The following COL12A1 variants were observed in gnomAD, a reference collection of about 807,000 sequenced individuals.
COL12A1 encodes collagen alpha-1(XII) chain.
In COL12A1, 114 loss-of-function variants were observed where a neutral mutation model predicts 349.7. That is an observed-to-expected ratio of 0.33 (90% CI 0.28 to 0.38). The LOEUF is 0.38. COL12A1 is among the 10% of genes least tolerant of loss of function. The pLI, the probability that COL12A1 is intolerant of heterozygous loss-of-function variation, is 1.00. For synonymous variants in COL12A1, 1,369 were observed against 1,329.0 expected (o/e 1.03, Z -0.66); for missense variants, 3,284 against 3,756.9 (o/e 0.87, Z 3.29).
At chr6:75,163,135 CA>C (rs1192173334) in intron 14 of COL12A1, among the ~76,000 whole-genome samples, 1 of 152,108 alleles carries the variant, frequency 6.6e-6, no homozygotes, top group Non-Finnish European at 1.5e-5. Flanking sequence ...CTAGAAATAC[CA>C]GTTGACCCAG....
intron 1 of COL12A1, among the ~76,000 whole-genome samples, chr6:75,203,134 T>C (rs533302524): frequency 6.6e-6 from 1 of 152,340 alleles, no homozygotes; most frequent in East Asian, 1.9e-4. Context: ...GCCTGGGTAA[T>C]GGCTAATTCA....
rs529282114 is a variant in COL12A1 at position 75,169,821 on chromosome 6, G to A, written c.2711-4042C>T. Among the ~76,000 whole-genome samples, 18 of 152,190 alleles carry A rather than the reference G, an allele frequency of 1.2e-4. No homozygotes were observed. In the South Asian group the frequency reaches 3.7e-3, roughly 32 times the overall value. On this transcript the variant is annotated intron_variant, in intron 13 of 65. Coordinates refer to ENST00000322507, the MANE Select transcript of COL12A1 (RefSeq NM_004370.6). ...CTTTATTCTTCCTAGTATAGTACCAGTATAGGTATAAATGTCATAAGTTTA... is the reference window on the plus strand; with the variant it reads ...CTTTATTCTTCCTAGTATAGTACCAATATAGGTATAAATGTCATAAGTTTA...
intron 57 of COL12A1, 38 bp from the exon 58 acceptor site, chr6:75,101,691 A>C (rs374687927): frequency 6.3e-7 from 1 of 1,593,464 alleles, no homozygotes; most frequent in Non-Finnish European, 8.5e-7. Flanking sequence ...ACATTATAAT[A>C]TACTTCCTGT....
At chr6:75,120,029 T>G (rs1769276923) in intron 44 of COL12A1, among the ~76,000 whole-genome samples, 1 of 152,202 alleles carries the variant, frequency 6.6e-6, no homozygotes, top group African/African-American at 2.4e-5. Flanking sequence ...TATGTGACAA[T>G]GGATTTTTTT....
At chr6:75,134,301 G>A (rs986264412) in intron 32 of COL12A1, among the ~76,000 whole-genome samples, 29 of 152,124 alleles carry the variant, frequency 1.9e-4, no homozygotes, top group Admixed American at 5.9e-4. Context: ...CAGGCACGGT[G>A]GATCATGCCT....
At chr6:75,177,338 G>C (rs1769014481) in intron 12 of COL12A1, among the ~76,000 whole-genome samples, 1 of 151,992 alleles carries the variant, frequency 6.6e-6, no homozygotes, top group Non-Finnish European at 1.5e-5. Flanking sequence ...TTGGGAGGCT[G>C]AATCAGGAGA....
intron 23 of COL12A1, among the ~76,000 whole-genome samples, chr6:75,147,203 G>A (rs374545737): frequency 6.3e-4 from 96 of 152,238 alleles, no homozygotes; most frequent in Non-Finnish European, 9.4e-4. Context: ...AAGTGAAATC[G>A]GTATCTCTGT....
rs559031205 is a variant in COL12A1, at chr6:75,118,366, T to A, written c.7354+677A>T. ...AATCATGCATGTACAGATGACAAGT[T>A]CCATGTAATTACTTTATAATTTACT... On this transcript the variant is annotated intron_variant, in intron 46 of 65. Coordinates refer to ENST00000322507, the MANE Select transcript of COL12A1 (RefSeq NM_004370.6). Among the ~76,000 whole-genome samples the A allele has an allele frequency of 2.0e-5, 3 of 152,300 alleles. No homozygotes were observed. The South Asian group carries it at 6.2e-4, about 32-fold the overall frequency.
intron 8 of COL12A1, among the ~76,000 whole-genome samples, chr6:75,184,828 C>T (rs1016996624): frequency 3.3e-5 from 5 of 152,042 alleles, no homozygotes; most frequent in East Asian, 1.9e-4. Context: ...TGACAGTTAA[C>T]GTAAAGTATT....
chr6:75,106,555 A>C, intron 52 of COL12A1, 59 bp from the exon 53 acceptor site: 3 of 1,484,108 alleles, frequency 2.0e-6, no homozygotes, highest in East Asian at 4.6e-5. Context: ...TTATATTGGC[A>C]CTTCCACATT....
chr6:75,174,931 G>A lies in COL12A1; in HGVS notation c.2710+107C>T, dbSNP rs1301562027. 6.5e-6 allele frequency: 8 copies of A among 1,239,846 alleles called. No individual in the cohort carries two copies. The African/African-American group carries it at 9.1e-5, about 14-fold the overall frequency. The allele number at this position is 1,239,846 out of a possible 1,614,324, so 76.8% of individuals were successfully genotyped here. On this transcript the variant is annotated intron_variant, in intron 13 of 65. Transcript: ENST00000322507. ...TTTTCAATATGGATTCTTTTTAAGA[G>A]AAAGGATTGCACACTTCTAGATTCA...
chr6:75,134,372 C>A (rs1451056711), intron 32 of COL12A1, among the ~76,000 whole-genome samples: 31 of 152,030 alleles, frequency 2.0e-4, no homozygotes, highest in Admixed American at 2.0e-3. Flanking sequence ...GAGTTCAAGA[C>A]CAGCCTGGCC....
intron 33 of COL12A1, 28 bp downstream of exon 33, chr6:75,133,830 A>G (rs763157554): frequency 6.2e-7 from 1 of 1,613,050 alleles, no homozygotes; most frequent in Non-Finnish European, 8.5e-7. Flanking sequence ...TAAACAAACT[A>G]GCATTTTTTA....
At chr6:75,203,536 T>C (rs1770631882) in intron 1 of COL12A1, among the ~76,000 whole-genome samples, 1 of 152,228 alleles carries the variant, frequency 6.6e-6, no homozygotes, top group Non-Finnish European at 1.5e-5. Flanking sequence ...TGTTTTTAAA[T>C]AAAAATTATC....
intron 5 of COL12A1, among the ~76,000 whole-genome samples, chr6:75,190,252 C>T (rs1329537224): frequency 5.3e-5 from 8 of 151,764 alleles, no homozygotes; most frequent in Non-Finnish European, 1.2e-4. Context: ...TATTTATCAA[C>T]AAATAAATAC....
intron 64 of COL12A1, among the ~76,000 whole-genome samples, chr6:75,088,033 C>T (rs1279647625): frequency 6.6e-6 from 1 of 152,124 alleles, no homozygotes; most frequent in Admixed American, 6.5e-5. Flanking sequence ...TGGTTTGCTC[C>T]CACTCTCACA....
chr6:75,102,750 C>G, intron 55 of COL12A1, 58 bp from the exon 56 acceptor site: 1 of 1,088,712 alleles, frequency 9.2e-7, no homozygotes, highest in Non-Finnish European at 1.3e-6. Context: ...TCAGTGCTGA[C>G]ATTTAGTCAG....
rs777153936 is a variant in COL12A1, at chr6:75,089,179, G to C, written c.8942-5C>G. On this transcript the variant is annotated splice_region_variant and splice_polypyrimidine_tract_variant and intron_variant, in intron 63 of 65. Coordinates refer to ENST00000322507, the MANE Select transcript of COL12A1 (RefSeq NM_004370.6). ...CACCTTTCTCTCCTGGCAAACCTAAGGAGGGAGAAAAAGAGAAAGCACAGG... is the reference window on the plus strand; with the variant it reads ...CACCTTTCTCTCCTGGCAAACCTAACGAGGGAGAAAAAGAGAAAGCACAGG... The C allele has an allele frequency of 1.9e-6, 3 of 1,600,040 alleles. No homozygotes were observed. The African/African-American group carries it at 4.1e-5, about 22-fold the overall frequency.
chr6:75,109,219 C>A, intron 51 of COL12A1, 52 bp from the exon 52 acceptor site: 1 of 1,315,392 alleles, frequency 7.6e-7, no homozygotes. Flanking sequence ...AAAAAATTAG[C>A]TGACTCTGCA....
Sources: gnomAD v4.1 joint callset for allele counts (sites outside exome capture counted in the v4.1 genomes callset) on GRCh38, gnomAD v4.1.1 for gene constraint, MANE v1.5 for transcripts, NCBI Gene and HGNC (gene_info 2026-07-23, HGNC 2026-07-21) for gene names.